The following PPP2R2B variants were observed in gnomAD, a reference collection of about 807,000 sequenced individuals.
PPP2R2B encodes protein phosphatase 2 regulatory subunit Bbeta.
PPP2R2B carries 5 observed loss-of-function variants against 46.0 expected under a neutral mutation model. The ratio of observed to expected loss-of-function variants is 0.11; its 90% CI spans 0.06 to 0.23. PPP2R2B has a LOEUF of 0.23. Among genes scored for constraint, PPP2R2B ranks in the 10% least tolerant of loss-of-function variants. PPP2R2B has a pLI of 1.00. For missense variants in PPP2R2B, 367 were observed against 575.0 expected, an observed-to-expected ratio of 0.64 and a Z score of 3.70; for synonymous variants, 215 against 206.7, an observed-to-expected ratio of 1.04 and a Z score of -0.34.
intron 2 of PPP2R2B, among the ~76,000 whole-genome samples, chr5:146,746,578 G>A (rs745891563): frequency 1.3e-5 from 2 of 152,122 alleles, no homozygotes; most frequent in African/African-American, 4.8e-5. Flanking sequence ...CTTCCAGGAC[G>A]ACTCTGTCTG....
chr5:146,715,992 G>A (rs776760263), intron 2 of PPP2R2B, among the ~76,000 whole-genome samples: 1 of 152,078 alleles, frequency 6.6e-6, no homozygotes, highest in Non-Finnish European at 1.5e-5. Context: ...CTGACCAACT[G>A]TTCATGCCAT....
intron 7 of PPP2R2B, among the ~76,000 whole-genome samples, chr5:146,603,623 C>G (rs898853097): frequency 1.3e-4 from 20 of 152,166 alleles, no homozygotes; most frequent in African/African-American, 4.6e-4. Flanking sequence ...TATGTATATT[C>G]AAGTTTTAAT....
At position 146,876,637 on chromosome 5, in the gene PPP2R2B, G is replaced by A. The variant is rs566983588; in HGVS notation, c.70+1365C>T. Among the ~76,000 whole-genome samples, 9 of 152,262 alleles carry A rather than the reference G, an allele frequency of 5.9e-5. 1 individual carries two copies. Among genetic ancestry groups the A allele is most frequent in the African/African-American group, 2.2e-4 (9 of 41,550 alleles). The stretch of plus-strand genomic sequence containing the variant: ...TCGGTAAGTATGGTGCTCTGTATAG[G>A]GGAGGGATGGGCTGCACATCTTAAA... On this transcript the variant is annotated intron_variant, in intron 2 of 9. Coordinates refer to ENST00000394411, the MANE Select transcript of PPP2R2B (RefSeq NM_181675.4).
At chr5:146,958,732 A>T (rs967621591) in intron 1 of PPP2R2B, among the ~76,000 whole-genome samples, 32 of 152,340 alleles carry the variant, frequency 2.1e-4, no homozygotes, top group African/African-American at 7.7e-4. Flanking sequence ...CCATAGTATA[A>T]ATCAGTATAT....
At chr5:146,950,896 T>G (rs183908941) in intron 1 of PPP2R2B, among the ~76,000 whole-genome samples, 2 of 152,154 alleles carry the variant, frequency 1.3e-5, no homozygotes, top group Admixed American at 1.3e-4. Flanking sequence ...AATATTTAAT[T>G]CTTAGTGCCA....
intron 1 of PPP2R2B, among the ~76,000 whole-genome samples, chr5:147,052,682 A>T (rs1756887214): frequency 1.3e-5 from 2 of 152,146 alleles, no homozygotes; most frequent in Admixed American, 6.6e-5. Flanking sequence ...GGCAAGATGG[A>T]GTATGTTTGA....
At chr5:146,602,112 A>T (rs1478020750) in intron 7 of PPP2R2B, among the ~76,000 whole-genome samples, 1 of 152,044 alleles carries the variant, frequency 6.6e-6, no homozygotes, top group South Asian at 2.1e-4. Flanking sequence ...TTTCACCCCA[A>T]ATGATCTTTT....
chr5:146,826,805 C>G (rs943816001), intron 2 of PPP2R2B, among the ~76,000 whole-genome samples: 4 of 152,124 alleles, frequency 2.6e-5, no homozygotes, highest in Admixed American at 6.5e-5. Context: ...CTCCAACTTA[C>G]AGTAATTTAA....
At chr5:146,986,764 T>C (rs188820782) in intron 1 of PPP2R2B, among the ~76,000 whole-genome samples, 79 of 152,288 alleles carry the variant, frequency 5.2e-4, no homozygotes, top group Admixed American at 3.7e-3. Flanking sequence ...TTATGAGCTA[T>C]ATAAGATAGT....
intron 2 of PPP2R2B, among the ~76,000 whole-genome samples, chr5:146,732,565 A>G (rs1197707492): frequency 6.6e-6 from 1 of 152,252 alleles, no homozygotes; most frequent in East Asian, 1.9e-4. Flanking sequence ...AGTGAATTCC[A>G]GTTGAAACCA....
At chr5:146,953,107 CA>C (rs2151836765) in intron 1 of PPP2R2B, among the ~76,000 whole-genome samples, 1 of 152,220 alleles carries the variant, frequency 6.6e-6, no homozygotes, top group South Asian at 2.1e-4. Flanking sequence ...TCCTGCTAAT[CA>C]AAACAGAGCA....
chr5:146,619,911 C>T (rs57339201), intron 7 of PPP2R2B, among the ~76,000 whole-genome samples: 16,289 of 152,164 alleles, frequency 0.11, 1,538 homozygotes, highest in East Asian at 0.24. Context: ...TAATCTTCCT[C>T]CTATTATTTT....
intron 2 of PPP2R2B, among the ~76,000 whole-genome samples, chr5:146,842,883 T>G (rs1438563018): frequency 6.6e-6 from 1 of 152,242 alleles, no homozygotes; most frequent in Non-Finnish European, 1.5e-5. Context: ...TGCAGTTTTT[T>G]TTCTGTTCTA....
chr5:146,589,425 G>GA lies in PPP2R2B; in HGVS notation c.*521dup, dbSNP rs985479831. 2.0e-5 allele frequency: 3 copies of GA among 153,652 alleles called. No homozygotes were observed. Among genetic ancestry groups the GA allele is most frequent in the Non-Finnish European group, 1.4e-5 (1 of 69,010 alleles). The allele number at this position is 153,652 out of a possible 1,614,324, so 9.5% of individuals were successfully genotyped here. On this transcript the variant is annotated 3_prime_UTR_variant, in exon 10 of 10. Coordinates refer to ENST00000394411, the MANE Select transcript of PPP2R2B (RefSeq NM_181675.4). ...CTGGCTTAAATGAAATTGTTCAAAG[G>GA]AAAATGGAAAATGGAAAAAAAAATG...
intron 2 of PPP2R2B, among the ~76,000 whole-genome samples, chr5:146,831,313 A>G (rs185591257): frequency 3.4e-4 from 51 of 152,216 alleles, no homozygotes; most frequent in African/African-American, 1.2e-3. Context: ...CCTGGGCAAC[A>G]TGGCGAAACC....
At chr5:146,700,659 CTA>C (rs899293846) in intron 3 of PPP2R2B, among the ~76,000 whole-genome samples, 30 of 152,164 alleles carry the variant, frequency 2.0e-4, no homozygotes, top group African/African-American at 6.5e-4. Flanking sequence ...GGCAAATAAA[CTA>C]TGTTTTTTTC....
At chr5:146,876,820 T>A (rs1761924052) in intron 2 of PPP2R2B, among the ~76,000 whole-genome samples, 1 of 152,202 alleles carries the variant, frequency 6.6e-6, no homozygotes, top group Admixed American at 6.5e-5. Flanking sequence ...CTTCCAGGGA[T>A]GTTTATAGAA....
At chr5:146,667,921 G>C (rs1416952648) in intron 5 of PPP2R2B, among the ~76,000 whole-genome samples, 1 of 152,154 alleles carries the variant, frequency 6.6e-6, no homozygotes, top group Admixed American at 6.5e-5. Flanking sequence ...CAAGCAGGCA[G>C]AGAAACAAAG....
intron 5 of PPP2R2B, among the ~76,000 whole-genome samples, chr5:146,675,792 T>C (rs2151128379): frequency 6.6e-6 from 1 of 152,132 alleles, no homozygotes; most frequent in Admixed American, 6.6e-5. Context: ...TTTTTTATGG[T>C]TCTGCACTGT....
Sources: allele counts gnomAD v4.1 joint callset (sites outside exome capture counted in the v4.1 genomes callset), GRCh38; gene constraint gnomAD v4.1.1; transcripts MANE v1.5; gene names NCBI Gene and HGNC (gene_info 2026-07-23, HGNC 2026-07-21).